Variants in NUP205 observed in about 807,000 individuals in gnomAD.
NUP205 encodes nuclear pore complex protein Nup205.
NUP205 carries 76 observed loss-of-function variants against 253.8 expected under a neutral mutation model. That is an observed-to-expected ratio of 0.30 (90% confidence interval 0.25 to 0.36). The LOEUF is 0.36. Ranked by LOEUF, NUP205 falls within the 10% of genes least tolerant of loss-of-function variation. The probability of loss-of-function intolerance (pLI) is 1.00; values close to 1 mark genes in which losing one functional copy is unlikely to be tolerated. For missense variants in NUP205, 2,162 were observed against 2,425.5 expected (o/e 0.89, Z 2.28); for synonymous variants, 832 against 850.1 (o/e 0.98, Z 0.37).
chr7:135,618,332 A>G lies in NUP205; in HGVS notation c.3772-80A>G. 12 of 1,225,310 alleles carry G rather than the reference A, an allele frequency of 9.8e-6. No individual in the cohort carries two copies. In the South Asian group the frequency reaches 1.5e-4, roughly 15 times the overall value. The allele number at this position is 1,225,310 out of a possible 1,614,324, so 75.9% of individuals were successfully genotyped here. ...TGGCATGCATGTAGTAGGTTTCCAA[A>G]TAAATATTTTCTGAGTAACTGACAG... is the stretch of plus-strand genomic sequence containing the variant. On this transcript the variant is annotated intron_variant, in intron 27 of 42. Transcript: ENST00000285968.
In NUP205 at chr7:135,587,629, A is replaced by G. The variant is rs1202370770; in HGVS notation, c.1273A>G (p.Met425Val). ...DEDARMIHMS[M>V]QMGNEPPISL... Reference sequence around the variant, plus strand: ...AGATGCTCGAATGATTCACATGAGTATGCAGATGGGTAATGAACCCCCCAT... The same window carrying G: ...AGATGCTCGAATGATTCACATGAGTGTGCAGATGGGTAATGAACCCCCCAT... The change falls in exon 9 of 43, where the codon ATG (methionine) becomes GTG (valine). Residue 425 changes from methionine (M) to valine (V), a missense_variant. By Grantham distance (21) the Met-to-Val change is conservative. Transcript: ENST00000285968. 1 of 1,611,746 alleles carries G rather than the reference A, an allele frequency of 6.2e-7. No homozygotes were observed. The highest frequency in any genetic ancestry group is 8.5e-7 in the Non-Finnish European group (1 of 1,178,944).
intron 13 of NUP205, among the ~76,000 whole-genome samples, chr7:135,596,119 A>C (rs1793828942): frequency 6.6e-6 from 1 of 151,914 alleles, no homozygotes; most frequent in African/African-American, 2.4e-5. Context: ...TTTTTAGTAG[A>C]GACGGGGTTT....
intron 1 of NUP205, among the ~76,000 whole-genome samples, chr7:135,560,216 A>C (rs962577865): frequency 2.0e-5 from 3 of 151,486 alleles, no homozygotes; most frequent in African/African-American, 4.9e-5. Context: ...GACTGGTCTC[A>C]AACTCCTGAC....
intron 26 of NUP205, 97 bp from the exon 27 acceptor site, chr7:135,617,505 A>C: frequency 1.1e-6 from 1 of 887,166 alleles, no homozygotes; most frequent in Non-Finnish European, 1.8e-6. Flanking sequence ...GGTATCTGAC[A>C]CCTTTCCCTT....
Position 135,594,660 on chromosome 7 carries a change from GA to G in NUP205, c.1945del (p.Thr649HisfsTer28). On this transcript the variant is annotated frameshift_variant, in exon 13 of 43. Coordinates refer to ENST00000285968, the MANE Select transcript of NUP205 (RefSeq NM_015135.3). LOFTEE classifies it high-confidence loss of function. ...PPVLKAELLK[T>X]LAAFGKSPEI... The stretch of plus-strand genomic sequence containing the variant: ...CTGTCCTAAAAGCTGAGCTACTGAA[GA>G]CACTCGCAGCTTTTGGAAAATCTCC... 2 of 1,613,836 alleles carry G rather than the reference GA, an allele frequency of 1.2e-6. No homozygotes were observed. Among genetic ancestry groups the G allele is most frequent in the Non-Finnish European group, 1.7e-6 (2 of 1,179,862 alleles).
chr7:135,647,109 A>G (rs1795027242), intron 42 of NUP205, among the ~76,000 whole-genome samples: 1 of 152,246 alleles, frequency 6.6e-6, no homozygotes, highest in Admixed American at 6.5e-5. Context: ...GAGTATGCCA[A>G]AAACAATTAC....
intron 1 of NUP205, among the ~76,000 whole-genome samples, chr7:135,565,291 A>G (rs1489970448): frequency 6.6e-6 from 1 of 152,150 alleles, no homozygotes; most frequent in Non-Finnish European, 1.5e-5. Context: ...GGTAAGGTAT[A>G]TTTCAGATTT....
At chr7:135,629,469 ATCTCTCTCTCTCTCTCTCTCTCTC>A (rs201403059) in intron 34 of NUP205, among the ~76,000 whole-genome samples, 1 of 119,748 alleles carries the variant, frequency 8.4e-6, no homozygotes, top group African/African-American at 3.0e-5. Flanking sequence ...GTGAGACCCT[ATCTCTCTCTCTCTCTCTCTCTCTC>A]TCTCTCTCTC....
intron 21 of NUP205, 84 bp downstream of exon 21, chr7:135,606,999 A>G (rs1794100513): frequency 1.5e-6 from 2 of 1,377,976 alleles, no homozygotes; most frequent in Non-Finnish European, 2.0e-6. Flanking sequence ...GGCTCATGGG[A>G]TAATTCATTG....
chr7:135,626,852 C>G (rs1794601752), intron 33 of NUP205, among the ~76,000 whole-genome samples: 1 of 152,024 alleles, frequency 6.6e-6, no homozygotes, highest in African/African-American at 2.4e-5. Flanking sequence ...ATTTGATTTT[C>G]TTTTTTGTTT....
At chr7:135,632,190 T>G (rs1223200253) in intron 35 of NUP205, among the ~76,000 whole-genome samples, 1 of 152,210 alleles carries the variant, frequency 6.6e-6, no homozygotes, top group Non-Finnish European at 1.5e-5. Flanking sequence ...TTCTTTTGCT[T>G]AGAATATGTA....
At position 135,584,916 on chromosome 7, in the gene NUP205, T is replaced by C; in HGVS notation, c.1127T>C (p.Val376Ala). Residue 376 changes from valine to alanine, a missense_variant, in exon 8 of 43, where the codon GTA (valine) becomes GCA (alanine). Physicochemically the swap from Val to Ala is moderately conservative, Grantham distance 64. Coordinates refer to ENST00000285968, the MANE Select transcript of NUP205 (RefSeq NM_015135.3). ...DNVFLFLMES[V>A]VVSEYFYQEE... is the part of the protein sequence containing the mutation. Reference sequence around the variant, plus strand: ...GTTTTCCTGTTCCTCATGGAATCTGTAGTGGTATCAGAATACTTTTATCAG... The same window carrying C: ...GTTTTCCTGTTCCTCATGGAATCTGCAGTGGTATCAGAATACTTTTATCAG... 6.2e-7 allele frequency: 1 copy of C among 1,613,638 alleles called. No homozygotes were observed. Among genetic ancestry groups the C allele is most frequent in the Non-Finnish European group, 8.5e-7 (1 of 1,179,552 alleles).
At chr7:135,567,562 G>C (rs1322868440) in intron 1 of NUP205, among the ~76,000 whole-genome samples, 3 of 151,682 alleles carry the variant, frequency 2.0e-5, no homozygotes, top group Non-Finnish European at 4.4e-5. Flanking sequence ...AGTGAGCTGA[G>C]ATGGCACCAC....
intron 3 of NUP205, among the ~76,000 whole-genome samples, chr7:135,574,707 T>G (rs889557379): frequency 6.6e-6 from 1 of 152,178 alleles, no homozygotes; most frequent in African/African-American, 2.4e-5. Context: ...AGAAAGTTGT[T>G]GATGAGGGCT....
At chr7:135,582,981 T>A (rs1806349638) in intron 7 of NUP205, among the ~76,000 whole-genome samples, 1 of 151,998 alleles carries the variant, frequency 6.6e-6, no homozygotes, top group Non-Finnish European at 1.5e-5. Context: ...TCCCAGCTAC[T>A]TGGGAGGCGG....
At chr7:135,578,141 G>C (rs1055353515) in intron 6 of NUP205, 117 bp downstream of exon 6, 1 of 664,102 alleles carries the variant, frequency 1.5e-6, no homozygotes, top group South Asian at 1.9e-5. Context: ...TCCTGTGTTT[G>C]CAGTCCGTTC....
intron 39 of NUP205, 109 bp from the exon 40 acceptor site, chr7:135,644,786 A>G: frequency 9.2e-7 from 1 of 1,083,808 alleles, no homozygotes; most frequent in Non-Finnish European, 1.3e-6. Flanking sequence ...GGATGTTTAA[A>G]TTTGAGTGTT....
chr7:135,634,718 A>G (rs1297880400), intron 35 of NUP205, among the ~76,000 whole-genome samples: 5 of 152,144 alleles, frequency 3.3e-5, no homozygotes, highest in African/African-American at 4.8e-5. Context: ...GTGGGACAGG[A>G]TAAGCTCTCG....
At chr7:135,581,165 G>A (rs1465925097) in intron 7 of NUP205, among the ~76,000 whole-genome samples, 1 of 152,102 alleles carries the variant, frequency 6.6e-6, no homozygotes, top group South Asian at 2.1e-4. Context: ...AAGTTTTAAC[G>A]AAGATCTCCA....
Sources: gnomAD v4.1 joint callset for allele counts (sites outside exome capture counted in the v4.1 genomes callset) on GRCh38, gnomAD v4.1.1 for gene constraint, MANE v1.5 for transcripts, NCBI Gene and HGNC (gene_info 2026-07-23, HGNC 2026-07-21) for gene names.